The following ART3 variants were observed in gnomAD, a reference collection of about 807,000 sequenced individuals.
ART3 encodes the protein ADP-ribosyltransferase 3 (inactive).
A neutral mutation model predicts 48.5 loss-of-function variants in ART3; 49 were observed. The ratio of observed to expected loss-of-function variants is 1.01; its 90% CI spans 0.80 to 1.28. The LOEUF is 1.28. Ranked by LOEUF, ART3 falls within the 50% of genes most tolerant of loss-of-function variation. ART3 has a pLI of 0.00. For synonymous variants in ART3, 145 were observed against 157.2 expected, an observed-to-expected ratio of 0.92 and a Z score of 0.58; for missense variants, 438 against 454.3, an observed-to-expected ratio of 0.96 and a Z score of 0.33.
At chr4:76,041,316 T>A (rs1016133200) in intron 1 of ART3, 1 of 152,202 alleles carries the variant, frequency 6.6e-6, no homozygotes, top group Admixed American at 6.5e-5. Context: ...GCCTGAGAGA[T>A]CCCTATTTTT....
intron 1 of ART3, among the ~76,000 whole-genome samples, chr4:76,057,167 G>GTGT (rs1718774094): frequency 6.6e-6 from 1 of 152,126 alleles, no homozygotes; most frequent in African/African-American, 2.4e-5. Context: ...ATATTGATAT[G>GTGT]TGTTATTATT....
intron 1 of ART3, chr4:76,036,144 C>T (rs983823179): frequency 1.6e-6 from 1 of 628,144 alleles, no homozygotes; most frequent in Admixed American, 3.1e-5. Flanking sequence ...ACAGGAATTT[C>T]CCTCTTTGAG....
intron 1 of ART3, chr4:76,035,810 C>G (rs1734337524): frequency 2.3e-6 from 2 of 888,870 alleles, no homozygotes; most frequent in Admixed American, 4.7e-5. Flanking sequence ...GTAGTAACTT[C>G]TAATCTGTGA....
At chr4:76,104,089 C>T in intron 9 of ART3, 120 bp downstream of exon 9, 1 of 1,114,340 alleles carries the variant, frequency 9.0e-7, no homozygotes, top group Non-Finnish European at 1.3e-6. Context: ...TAGCTACCTG[C>T]CAGTCATCTA....
chr4:76,109,055 C>G (rs901404680), intron 11 of ART3, among the ~76,000 whole-genome samples: 5 of 151,996 alleles, frequency 3.3e-5, no homozygotes, highest in African/African-American at 1.2e-4. Context: ...TATACAGAGG[C>G]TACACTAAAT....
intron 1 of ART3, among the ~76,000 whole-genome samples, chr4:76,051,898 C>CTTT (rs1184736763): frequency 8.6e-5 from 7 of 81,808 alleles, no homozygotes; most frequent in African/African-American, 2.3e-4. Context: ...CTCTCTCTCT[C>CTTT]TTTTTTTTTT....
In ART3 at chr4:76,025,063, C is replaced by T. The variant is rs190202706; in HGVS notation, c.-10+13743C>T. On this transcript the variant is annotated intron_variant, in intron 1 of 9. Coordinates refer to the ART3 transcript ENST00000341029. ...GAGCTAAGCTTTCAAGTGAATAAGT[C>T]AGTGGAATTAGCTGTGGGAAACCGG... 2.0e-4 allele frequency among the ~76,000 whole-genome samples: 30 copies of T among 152,188 alleles called. No individual in the cohort carries two copies. In the South Asian group the frequency reaches 4.2e-3, roughly 21 times the overall value.
upstream of ART3, among the ~76,000 whole-genome samples, chr4:76,071,134 G>C (rs1720270173): frequency 6.6e-6 from 1 of 152,012 alleles, no homozygotes; most frequent in South Asian, 2.1e-4. Context: ...CGGATCATTT[G>C]AGGCCAAGAA....
chr4:76,062,559 C>CTTTTT lies in ART3; in HGVS notation c.-9-13307_-9-13303dup, dbSNP rs34383642. Among the ~76,000 whole-genome samples the CTTTTT allele has an allele frequency of 5.4e-3, 605 of 112,996 alleles. 25 individuals carry two copies. The highest frequency in any genetic ancestry group is 0.015 in the African/African-American group (443 of 28,786). The allele number at this position is 112,996 out of a possible 152,430, so 74.1% of individuals were successfully genotyped here. ...ATCCTTATGTGAAAGAAAAATAAAT[C>CTTTTT]TTTTTTTTTTTTTTTTTTTGAGACA... On this transcript the variant is annotated intron_variant, in intron 1 of 9. Transcript: ENST00000341029.
chr4:76,107,512 C>G (rs2109792018), intron 10 of ART3: 2 of 300,444 alleles, frequency 6.7e-6, no homozygotes, highest in Admixed American at 5.3e-5. Context: ...GTAGAAAATA[C>G]TTTTTGTGAA....
intron 10 of ART3, chr4:76,106,117 A>G (rs1313241095): frequency 1.7e-5 from 17 of 985,224 alleles, no homozygotes; most frequent in East Asian, 1.1e-4. Context: ...AGATGAGAAC[A>G]TGGAACATAA....
At chr4:76,104,444 G>A in intron 9 of ART3, 153 bp from the exon 10 acceptor site, 1 of 985,384 alleles carries the variant, frequency 1.0e-6, no homozygotes, top group Non-Finnish European at 1.2e-6. Flanking sequence ...TATAATAAGG[G>A]TTTACGTAAG....
intron 3 of ART3, among the ~76,000 whole-genome samples, chr4:76,095,181 G>A (rs1725723150): frequency 6.6e-6 from 1 of 152,106 alleles, no homozygotes; most frequent in African/African-American, 2.4e-5. Context: ...AAATAGGGAG[G>A]AGAAATGCAA....
chr4:76,068,663 A>G (rs61202788), intron 1 of ART3, among the ~76,000 whole-genome samples: 90 of 64,762 alleles, frequency 1.4e-3, no homozygotes, highest in African/African-American at 9.4e-3. Flanking sequence ...GATAGAGGAT[A>G]AAAAAAAAAA....
At chr4:76,041,621 T>TTTC (rs1734981862) in intron 1 of ART3, among the ~76,000 whole-genome samples, 1 of 151,676 alleles carries the variant, frequency 6.6e-6, no homozygotes, top group African/African-American at 2.4e-5. Context: ...GAAAATATAT[T>TTTC]ATTTCAATGT....
chr4:76,074,447 A>C (rs980292787), upstream of ART3, among the ~76,000 whole-genome samples: 5 of 152,156 alleles, frequency 3.3e-5, no homozygotes, highest in African/African-American at 1.2e-4. Context: ...TTGATATCTC[A>C]GTGTCAAAGG....
chr4:76,043,414 G>A (rs530212283), intron 1 of ART3, among the ~76,000 whole-genome samples: 13 of 152,192 alleles, frequency 8.5e-5, no homozygotes, highest in African/African-American at 2.6e-4. Context: ...CAGGCATGGC[G>A]GGCTGCAGGT....
At chr4:76,036,012 GTGC>G in intron 1 of ART3, 4 of 1,607,928 alleles carry the variant, frequency 2.5e-6, no homozygotes, top group Non-Finnish European at 3.4e-6. Flanking sequence ...GTTGCTGCTG[GTGC>G]TGCTGCTGCT....
At chr4:76,052,440 G>A (rs1365221873) in intron 1 of ART3, among the ~76,000 whole-genome samples, 1 of 152,118 alleles carries the variant, frequency 6.6e-6, no homozygotes, top group East Asian at 1.9e-4. Context: ...GCCACTGGTA[G>A]CCATCTACCT....
Sources: allele counts gnomAD v4.1 joint callset (sites outside exome capture counted in the v4.1 genomes callset), GRCh38; gene constraint gnomAD v4.1.1; transcripts MANE v1.5; gene names NCBI Gene and HGNC (gene_info 2026-07-23, HGNC 2026-07-21).